The following SKAP2 variants were observed in gnomAD, a reference collection of about 807,000 sequenced individuals.
The protein encoded by SKAP2 is src kinase-associated phosphoprotein 2.
A neutral mutation model predicts 54.9 loss-of-function variants in SKAP2; 28 were observed. The ratio of observed to expected loss-of-function variants is 0.51; its 90% confidence interval spans 0.38 to 0.70. The LOEUF is 0.70. SKAP2 is among the 30% of genes least tolerant of loss of function. The probability of loss-of-function intolerance (pLI) is 0.00; values close to 1 mark genes in which losing one functional copy is unlikely to be tolerated. For missense variants in SKAP2, 356 were observed against 424.1 expected, an observed-to-expected ratio of 0.84 and a Z score of 1.41; for synonymous variants, 137 against 134.3, an observed-to-expected ratio of 1.02 and a Z score of -0.14.
intron 9 of SKAP2, among the ~76,000 whole-genome samples, chr7:26,719,242 A>C (rs997010619): frequency 6.6e-6 from 1 of 152,164 alleles, no homozygotes; most frequent in East Asian, 1.9e-4. Context: ...AATATAAAAT[A>C]ATCACACAGT....
At chr7:26,847,308 T>C (rs1442331976) in intron 3 of SKAP2, among the ~76,000 whole-genome samples, 2 of 152,138 alleles carry the variant, frequency 1.3e-5, no homozygotes, top group Non-Finnish European at 2.9e-5. Context: ...CTTCTTCATC[T>C]TACCATTGTT....
chr7:26,864,521 C>T lies in SKAP2; in HGVS notation c.-92G>A. Reference sequence around the variant, plus strand: ...CGGCTGCGACCTAGACTCAGGCTAGCGGCCCGGATTAAGAACAGCGGGGCT... The same window carrying T: ...CGGCTGCGACCTAGACTCAGGCTAGTGGCCCGGATTAAGAACAGCGGGGCT... On this transcript the variant is annotated 5_prime_UTR_variant, in exon 1 of 13. Coordinates refer to ENST00000345317, the MANE Select transcript of SKAP2 (RefSeq NM_003930.5). 1 of 1,492,328 alleles carries T rather than the reference C, an allele frequency of 6.7e-7. No individual in the cohort carries two copies. The highest frequency in any genetic ancestry group is 8.9e-7 in the Non-Finnish European group (1 of 1,122,358). The allele number at this position is 1,492,328 out of a possible 1,614,324, so 92.4% of individuals were successfully genotyped here.
chr7:26,813,233 A>C (rs2127988527), intron 4 of SKAP2, among the ~76,000 whole-genome samples: 1 of 152,242 alleles, frequency 6.6e-6, no homozygotes. Context: ...CTATCATTGA[A>C]CCTGCTAGGC....
At chr7:26,836,248 A>C (rs543551063) in intron 4 of SKAP2, among the ~76,000 whole-genome samples, 2 of 152,350 alleles carry the variant, frequency 1.3e-5, no homozygotes, top group African/African-American at 4.8e-5. Context: ...CCCTAGAAGA[A>C]AACCTAGGCT....
At chr7:26,833,384 C>T (rs1784637644) in intron 4 of SKAP2, among the ~76,000 whole-genome samples, 2 of 139,020 alleles carry the variant, frequency 1.4e-5, no homozygotes, top group South Asian at 4.6e-4. Flanking sequence ...TGACAAAGAG[C>T]AAGACTCCGT....
intron 1 of SKAP2, among the ~76,000 whole-genome samples, chr7:26,859,307 C>A (rs1304796019): frequency 6.6e-6 from 1 of 151,074 alleles, no homozygotes; most frequent in Non-Finnish European, 1.5e-5. Flanking sequence ...TCTGTTAAAG[C>A]AGGGTATGGC....
At chr7:26,837,576 G>A (rs1160662852) in intron 4 of SKAP2, among the ~76,000 whole-genome samples, 7 of 152,076 alleles carry the variant, frequency 4.6e-5, no homozygotes, top group South Asian at 2.1e-4. Context: ...AAGATAGCAC[G>A]AGGCCATGAG....
intron 10 of SKAP2, among the ~76,000 whole-genome samples, chr7:26,687,935 C>CA (rs546409028): frequency 1.4e-4 from 21 of 148,100 alleles, no homozygotes; most frequent in Admixed American, 5.4e-4. Flanking sequence ...TTAAAAATTA[C>CA]AAAAAAAAAC....
At chr7:26,663,866 G>A (rs961375388), downstream of SKAP2, among the ~76,000 whole-genome samples, 15 of 152,122 alleles carry the variant, frequency 9.9e-5, no homozygotes, top group Non-Finnish European at 1.2e-4. Context: ...GGACTGGAAC[G>A]TCAAGTGTTC....
At chr7:26,856,698 A>C (rs1253632335) in intron 1 of SKAP2, among the ~76,000 whole-genome samples, 1 of 152,194 alleles carries the variant, frequency 6.6e-6, no homozygotes, top group Non-Finnish European at 1.5e-5. Flanking sequence ...ATAAGGGAAG[A>C]AGCAACATCC....
rs1785331736 is a variant in SKAP2 at position 26,864,401 on chromosome 7, G to A, written c.29C>T (p.Pro10Leu). ...CCTAATTTCCTCAGGGAGGGGGTAG[G>A]GAGAGGAGGTGCTGCTGGGGTTGGG... Reference protein sequence around the residue: MPNPSSTSSPYPLPEEIRNL... With the variant: MPNPSSTSSLYPLPEEIRNL... Residue 10 changes from proline to leucine, a missense_variant, in exon 1 of 13, where the codon CCC becomes CTC. Transcript: ENST00000345317. The A allele has an allele frequency of 6.2e-7, 1 of 1,612,264 alleles. No homozygotes were observed. The highest frequency in any genetic ancestry group is 1.3e-5 in the African/African-American group (1 of 74,776).
intron 9 of SKAP2, among the ~76,000 whole-genome samples, chr7:26,707,050 A>C (rs1360291815): frequency 6.6e-6 from 1 of 152,138 alleles, no homozygotes; most frequent in Admixed American, 6.6e-5. Context: ...AATTTAACAA[A>C]AATTTCTTCT....
chr7:26,675,232 T>G (rs1449293779), intron 11 of SKAP2, among the ~76,000 whole-genome samples: 1 of 152,190 alleles, frequency 6.6e-6, no homozygotes, highest in African/African-American at 2.4e-5. Flanking sequence ...CCCACCCTGC[T>G]GGCAACCTTT....
In SKAP2 at chr7:26,669,268, C is replaced by T. The variant is rs1372791421; in HGVS notation, c.*398G>A. On this transcript the variant is annotated 3_prime_UTR_variant, in exon 13 of 13. Transcript: ENST00000345317. ...TAAAATGCTATGAAATTATACATTACTCTCTAAAAATAATTGATGTCCAAT... is the reference window on the plus strand; with the variant it reads ...TAAAATGCTATGAAATTATACATTATTCTCTAAAAATAATTGATGTCCAAT... 4 of 152,126 alleles carry T rather than the reference C, an allele frequency of 2.6e-5. No homozygotes were observed. Among genetic ancestry groups the T allele is most frequent in the African/African-American group, 9.7e-5 (4 of 41,430 alleles). 9.4% of individuals were successfully genotyped at this position (152,126 alleles called of 1,614,324 possible).
intron 4 of SKAP2, among the ~76,000 whole-genome samples, chr7:26,743,435 G>A (rs1056950981): frequency 6.6e-6 from 1 of 152,106 alleles, no homozygotes; most frequent in African/African-American, 2.4e-5. Flanking sequence ...GTTAAGCATT[G>A]TAGCTACTTC....
intron 4 of SKAP2, among the ~76,000 whole-genome samples, chr7:26,765,157 T>C (rs1783021979): frequency 6.6e-6 from 1 of 152,210 alleles, no homozygotes; most frequent in Admixed American, 6.5e-5. Flanking sequence ...TCCTGACTTT[T>C]TAATGATTGC....
chr7:26,695,446 T>G (rs1346284583), intron 9 of SKAP2, among the ~76,000 whole-genome samples: 1 of 152,190 alleles, frequency 6.6e-6, no homozygotes, highest in East Asian at 1.9e-4. Context: ...ATATGAAAAA[T>G]GAATTTATGG....
chr7:26,864,324 C>A (rs1387801156), intron 1 of SKAP2, 39 bp downstream of exon 1: 1 of 1,612,842 alleles, frequency 6.2e-7, no homozygotes, highest in Non-Finnish European at 8.5e-7. Flanking sequence ...TCCCTCGCCC[C>A]CGCCCCGACA....
At chr7:26,746,574 G>T (rs185177926) in intron 4 of SKAP2, 18 of 150,760 alleles carry the variant, frequency 1.2e-4, no homozygotes, top group African/African-American at 4.4e-4. Context: ...GAAATCCATG[G>T]CACAGGTTAA....
Sources: allele counts gnomAD v4.1 joint callset (sites outside exome capture counted in the v4.1 genomes callset), GRCh38; gene constraint gnomAD v4.1.1; transcripts MANE v1.5; gene names NCBI Gene and HGNC (gene_info 2026-07-23, HGNC 2026-07-21).